IL1RAPL2: variants seen among roughly 807,000 people sequenced by gnomAD.
The protein encoded by IL1RAPL2 is X-linked interleukin-1 receptor accessory protein-like 2.
Under a neutral mutation model 44.1 loss-of-function variants are expected in IL1RAPL2, and 3 were observed. The ratio of observed to expected loss-of-function variants is 0.07; its 90% confidence interval spans 0.03 to 0.18. The LOEUF is 0.18. Among genes scored for constraint, IL1RAPL2 ranks in the 10% least tolerant of loss-of-function variants. IL1RAPL2 has a pLI of 1.00. For missense variants in IL1RAPL2, 391 were observed against 496.4 expected, an observed-to-expected ratio of 0.79 and a Z score of 2.02; for synonymous variants, 181 against 178.8, an observed-to-expected ratio of 1.01 and a Z score of -0.10.
At chrX:105,132,498 C>T (rs1343498666) in intron 2 of IL1RAPL2, among the ~76,000 whole-genome samples, 3 of 110,931 alleles carry the variant, frequency 2.7e-5, no homozygotes, top group Non-Finnish European at 5.7e-5. Context: ...AAAAAAAACA[C>T]AAGAACAAAT....
intron 2 of IL1RAPL2, among the ~76,000 whole-genome samples, chrX:104,850,669 G>T (rs770271028): frequency 9.0e-6 from 1 of 111,677 alleles, no homozygotes; most frequent in Admixed American, 9.6e-5. Context: ...GTTGTAATTT[G>T]TAGTATCATT....
intron 5 of IL1RAPL2, among the ~76,000 whole-genome samples, chrX:105,300,647 A>G (rs1184672007): frequency 9.0e-6 from 1 of 111,109 alleles, no homozygotes; most frequent in Non-Finnish European, 1.9e-5. Flanking sequence ...GGTTTGTGAC[A>G]TACATCTCTT....
At chrX:104,658,618 A>C (rs181932928) in intron 1 of IL1RAPL2, among the ~76,000 whole-genome samples, 2 of 112,873 alleles carry the variant, frequency 1.8e-5, no homozygotes, top group African/African-American at 6.4e-5. Flanking sequence ...GTATAATAAA[A>C]AAATACAAAA....
intron 4 of IL1RAPL2, among the ~76,000 whole-genome samples, chrX:105,266,045 C>CTT (rs374262397): frequency 1.9e-5 from 2 of 102,953 alleles, no homozygotes; most frequent in East Asian, 6.0e-4. Context: ...TGATAAAATA[C>CTT]TTTTTTTTTT....
intron 5 of IL1RAPL2, among the ~76,000 whole-genome samples, chrX:105,363,289 A>AT (rs1491475973): frequency 5.2e-5 from 4 of 76,236 alleles, no homozygotes; most frequent in African/African-American, 1.6e-4. Flanking sequence ...ATATATATAT[A>AT]ATATATATAT....
At chrX:105,602,950 A>G in intron 6 of IL1RAPL2, among the ~76,000 whole-genome samples, 1 of 110,840 alleles carries the variant, frequency 9.0e-6, no homozygotes, top group Non-Finnish European at 1.9e-5. Flanking sequence ...AGACCCCTAC[A>G]TCTGGAAGCA....
At chrX:104,829,588 A>T (rs778762358) in intron 2 of IL1RAPL2, among the ~76,000 whole-genome samples, 15 of 112,477 alleles carry the variant, frequency 1.3e-4, no homozygotes, top group African/African-American at 4.8e-4. Context: ...ATCTTGGTAA[A>T]TCTGTTTTTA....
intron 2 of IL1RAPL2, among the ~76,000 whole-genome samples, chrX:105,044,254 A>G (rs1411491294): frequency 9.0e-6 from 1 of 110,998 alleles, no homozygotes; most frequent in African/African-American, 3.3e-5. Context: ...ATTTGCAAAC[A>G]TTGTGCACTT....
At chrX:105,479,760 A>T (rs1238851793) in intron 5 of IL1RAPL2, among the ~76,000 whole-genome samples, 3 of 108,405 alleles carry the variant, frequency 2.8e-5, no homozygotes, top group African/African-American at 3.3e-5. Flanking sequence ...TAAAATAATA[A>T]AATAAAATAA....
At chrX:105,582,388 A>AATCT (rs1172829798) in intron 6 of IL1RAPL2, among the ~76,000 whole-genome samples, 1 of 111,478 alleles carries the variant, frequency 9.0e-6, no homozygotes, top group Non-Finnish European at 1.9e-5. Context: ...AATTGCATTG[A>AATCT]ATCTATAGAT....
intron 5 of IL1RAPL2, among the ~76,000 whole-genome samples, chrX:105,483,684 T>C: frequency 8.9e-6 from 1 of 111,926 alleles, no homozygotes; most frequent in East Asian, 2.8e-4. Context: ...TATGTTCCAT[T>C]CTCTATTATG....
At chrX:105,128,681 C>T (rs1310595884) in intron 2 of IL1RAPL2, among the ~76,000 whole-genome samples, 2 of 111,222 alleles carry the variant, frequency 1.8e-5, no homozygotes, top group Admixed American at 9.6e-5. Flanking sequence ...TCTTCTGATT[C>T]TATATAGTTT....
intron 2 of IL1RAPL2, among the ~76,000 whole-genome samples, chrX:104,715,056 T>A (rs2147560064): frequency 9.0e-6 from 1 of 110,812 alleles, no homozygotes; most frequent in South Asian, 3.8e-4. Flanking sequence ...GTAAGAATGG[T>A]ACCAGCTCTT....
chrX:105,534,996 A>G (rs2036667573), intron 6 of IL1RAPL2, among the ~76,000 whole-genome samples: 1 of 112,010 alleles, frequency 8.9e-6, no homozygotes, highest in Non-Finnish European at 1.9e-5. Context: ...CAGAAGCACA[A>G]TCTATAAAAG....
At chrX:105,325,436 G>A (rs1482394190) in intron 5 of IL1RAPL2, among the ~76,000 whole-genome samples, 2 of 107,390 alleles carry the variant, frequency 1.9e-5, no homozygotes, top group Non-Finnish European at 3.8e-5. Flanking sequence ...CCAATTGATG[G>A]ACATTTGCAT....
At chrX:104,620,455 T>A (rs1929367572) in intron 1 of IL1RAPL2, among the ~76,000 whole-genome samples, 2 of 106,585 alleles carry the variant, frequency 1.9e-5, no homozygotes, top group South Asian at 8.6e-4. Flanking sequence ...CTGGCTGACA[T>A]GGTGAAAACC....
chrX:104,580,243 A>T (rs1013739714), intron 1 of IL1RAPL2, among the ~76,000 whole-genome samples: 16 of 112,421 alleles, frequency 1.4e-4, no homozygotes, highest in Admixed American at 1.2e-3. Flanking sequence ...TACATTGCAA[A>T]TACTCACTGT....
At chrX:104,752,821 T>C (rs181725318) in intron 2 of IL1RAPL2, among the ~76,000 whole-genome samples, 42 of 110,915 alleles carry the variant, frequency 3.8e-4, no homozygotes, top group African/African-American at 1.3e-3. Context: ...CTGTATTCCA[T>C]TGTGAAACAG....
intron 6 of IL1RAPL2, among the ~76,000 whole-genome samples, chrX:105,607,544 T>C (rs745897799): frequency 9.7e-6 from 1 of 103,225 alleles, no homozygotes; most frequent in Non-Finnish European, 2.0e-5. Context: ...AACTTTATAG[T>C]ATGTTAGTTT....
Sources: gnomAD v4.1 joint callset for allele counts (sites outside exome capture counted in the v4.1 genomes callset) on GRCh38, gnomAD v4.1.1 for gene constraint, MANE v1.5 for transcripts, NCBI Gene and HGNC (gene_info 2026-07-23, HGNC 2026-07-21) for gene names.